Variants in GPC3 observed in about 807,000 individuals in gnomAD.
GPC3 encodes the protein glypican-3.
In GPC3, 3 loss-of-function variants were observed where a neutral mutation model predicts 34.4. The observed-to-expected ratio is 0.09, with a 90% confidence interval of 0.04 to 0.23. The LOEUF (loss-of-function observed/expected upper bound fraction) is 0.23. Ranked by LOEUF, GPC3 falls within the 10% of genes least tolerant of loss-of-function variation. The pLI, the probability that GPC3 is intolerant of heterozygous loss-of-function variation, is 1.00. For synonymous variants in GPC3, 177 were observed against 174.0 expected (o/e 1.02, Z -0.13); for missense variants, 351 against 445.6 (o/e 0.79, Z 1.91).
Position 133,654,732 on chromosome X carries a change from C to A in GPC3, c.1413+6998G>T, listed in dbSNP as rs752196603. Among the ~76,000 whole-genome samples, 496 of 109,740 alleles carry A rather than the reference C, an allele frequency of 4.5e-3. 6 individuals carry two copies. Among genetic ancestry groups the A allele is most frequent in the African/African-American group, 0.016 (466 of 29,395 alleles). Reference sequence around the variant, plus strand: ...GTCTCAAAAAACAAAAAACAAAAAACAAAAAACGATGCTGCATTTGGCCAG... The same window carrying A: ...GTCTCAAAAAACAAAAAACAAAAAAAAAAAAACGATGCTGCATTTGGCCAG... On this transcript the variant is annotated intron_variant, in intron 6 of 7. Coordinates refer to ENST00000370818, the MANE Select transcript of GPC3 (RefSeq NM_004484.4).
chrX:133,778,356 G>A (rs2072009468), intron 2 of GPC3, among the ~76,000 whole-genome samples: 1 of 111,887 alleles, frequency 8.9e-6, no homozygotes, highest in Non-Finnish European at 1.9e-5. Context: ...TGGCCCCTCA[G>A]ACAGCCCCCT....
At chrX:133,714,573 A>G (rs2071297552) in intron 3 of GPC3, among the ~76,000 whole-genome samples, 1 of 110,979 alleles carries the variant, frequency 9.0e-6, no homozygotes, top group Admixed American at 9.6e-5. Context: ...GAAAATAATA[A>G]TTTATAAGTA....
chrX:133,671,266 T>C, intron 5 of GPC3: 1 of 1,007,522 alleles, frequency 9.9e-7, no homozygotes, highest in Non-Finnish European at 1.4e-6. Context: ...TTGCAAGACA[T>C]GGCCTGTATG....
chrX:133,771,090 G>A (rs1346739603), intron 2 of GPC3, among the ~76,000 whole-genome samples: 2 of 111,571 alleles, frequency 1.8e-5, no homozygotes, highest in Non-Finnish European at 3.8e-5. Context: ...TCTGCTCTCG[G>A]TACACTGACA....
At chrX:133,694,101 G>C (rs1002658148) in intron 4 of GPC3, among the ~76,000 whole-genome samples, 3 of 110,404 alleles carry the variant, frequency 2.7e-5, no homozygotes, top group African/African-American at 9.9e-5. Context: ...CTCTTTTCTT[G>C]ATAAATCATC....
In GPC3 at chrX:133,596,447, G is replaced by A; in HGVS notation, c.1566C>T (p.Phe522=). ...GMIKVKNQLR[F]LAELAYDLDV... is the part of the protein sequence containing the mutation. ...TCAGCACTAATCAGTTACCTGCAAG[G>A]AAGCGGAGCTGATTCTTCACTTTTA... is the stretch of plus-strand genomic sequence containing the variant. The change falls in exon 7 of 8, where the codon TTC becomes TTT. Residue 522 remains phenylalanine, a synonymous_variant. Transcript: ENST00000370818. 2 of 1,207,738 alleles carry A rather than the reference G, an allele frequency of 1.7e-6. No individual in the cohort carries two copies. The highest frequency in any genetic ancestry group is 2.2e-6 in the Non-Finnish European group (2 of 891,908).
At chrX:133,950,494 C>A (rs750538555) in intron 2 of GPC3, among the ~76,000 whole-genome samples, 1 of 112,063 alleles carries the variant, frequency 8.9e-6, no homozygotes, top group African/African-American at 3.2e-5. Flanking sequence ...TCAAGATGAG[C>A]TTTCTTCAAC....
chrX:133,539,797 G>A (rs1419171279), intron 7 of GPC3, among the ~76,000 whole-genome samples: 4 of 112,508 alleles, frequency 3.6e-5, no homozygotes, highest in Admixed American at 9.5e-5. Context: ...GCCACTGTAC[G>A]CTTGGGCCAC....
intron 6 of GPC3, among the ~76,000 whole-genome samples, chrX:133,599,061 T>C (rs1199935786): frequency 8.9e-6 from 1 of 112,163 alleles, no homozygotes; most frequent in East Asian, 2.8e-4. Context: ...CTCTCTTTGT[T>C]CCTTTCCAAG....
intron 6 of GPC3, among the ~76,000 whole-genome samples, chrX:133,621,215 C>T (rs2070228644): frequency 9.0e-6 from 1 of 111,528 alleles, no homozygotes; most frequent in South Asian, 3.8e-4. Flanking sequence ...AGGAACAGCT[C>T]CAGTCTACAG....
At chrX:133,668,468 G>T (rs1409867251) in intron 5 of GPC3, among the ~76,000 whole-genome samples, 1 of 110,818 alleles carries the variant, frequency 9.0e-6, no homozygotes, top group Admixed American at 9.6e-5. Flanking sequence ...GCACTGCCCT[G>T]AGTTGCTAGT....
At chrX:133,775,323 G>A (rs773978151) in intron 2 of GPC3, among the ~76,000 whole-genome samples, 4 of 110,538 alleles carry the variant, frequency 3.6e-5, no homozygotes, top group African/African-American at 9.9e-5. Flanking sequence ...AAGTGAATTT[G>A]CATAGTTCTG....
rs180779562 is a variant in GPC3 at position 133,748,552 on chromosome X, C to G, written c.1032+4930G>C. On this transcript the variant is annotated intron_variant, in intron 3 of 7. Coordinates refer to ENST00000370818, the MANE Select transcript of GPC3 (RefSeq NM_004484.4). ...TTCAGCACAAATCTTCTCTTTCCCC[C>G]TCCCTCCATCTCTCTTCCCCCCAAC... Among the ~76,000 whole-genome samples the G allele has an allele frequency of 9.0e-5, 10 of 110,547 alleles. No homozygotes were observed. The East Asian group carries it at 2.6e-3, about 29-fold the overall frequency.
At chrX:133,611,309 C>T (rs759460282) in intron 6 of GPC3, among the ~76,000 whole-genome samples, 43 of 110,290 alleles carry the variant, frequency 3.9e-4, no homozygotes, top group Admixed American at 1.4e-3. Flanking sequence ...AACATAGAGC[C>T]TACCCTCATA....
intron 4 of GPC3, among the ~76,000 whole-genome samples, chrX:133,698,778 G>A (rs2071138751): frequency 1.8e-5 from 2 of 111,899 alleles, no homozygotes; most frequent in East Asian, 5.7e-4. Flanking sequence ...AATAACATCA[G>A]ATTGCAGGGG....
intron 7 of GPC3, among the ~76,000 whole-genome samples, chrX:133,549,908 TTC>T (rs753032872): frequency 6.3e-4 from 63 of 100,232 alleles, no homozygotes; most frequent in Non-Finnish European, 8.5e-4. Context: ...TTCTATCCTT[TTC>T]TCTCTCTCTC....
chrX:133,543,805 G>T (rs2069361026), intron 7 of GPC3, among the ~76,000 whole-genome samples: 1 of 112,207 alleles, frequency 8.9e-6, no homozygotes, highest in African/African-American at 3.2e-5. Context: ...GAGCAGAAAT[G>T]TATTAGTTGC....
chrX:133,571,438 C>T (rs1277978541), intron 7 of GPC3, among the ~76,000 whole-genome samples: 1 of 110,917 alleles, frequency 9.0e-6, no homozygotes, highest in Non-Finnish European at 1.9e-5. Context: ...TCTCGGCTCA[C>T]TGCAAGCTCC....
rs143733410 is a variant in GPC3 at position 133,802,449 on chromosome X, T to A, written c.338-48273A>T. On this transcript the variant is annotated intron_variant, in intron 2 of 7. Coordinates refer to ENST00000370818, the MANE Select transcript of GPC3 (RefSeq NM_004484.4). ...GTATAAACTGTGTGGTTCTCAAGACTGTGCTTAATATTTTTGCCCCATGGG... is the reference window on the plus strand; with the variant it reads ...GTATAAACTGTGTGGTTCTCAAGACAGTGCTTAATATTTTTGCCCCATGGG... Among the ~76,000 whole-genome samples, 491 of 112,158 alleles carry A rather than the reference T, an allele frequency of 4.4e-3. 3 individuals carry two copies. The highest frequency in any genetic ancestry group is 0.016 in the African/African-American group (480 of 30,880).
Sources: gnomAD v4.1 joint callset for allele counts (sites outside exome capture counted in the v4.1 genomes callset) on GRCh38, gnomAD v4.1.1 for gene constraint, MANE v1.5 for transcripts, NCBI Gene and HGNC (gene_info 2026-07-23, HGNC 2026-07-21) for gene names.